Variants in ANKZF1 observed in about 807,000 individuals in gnomAD.
The protein encoded by ANKZF1 is ankyrin repeat and zinc finger peptidyl tRNA hydrolase 1, also known as tRNA endonuclease ANKZF1.
A neutral mutation model predicts 86.0 loss-of-function variants in ANKZF1; 84 were observed. The observed-to-expected ratio is 0.98, with a 90% CI of 0.82 to 1.17. ANKZF1 has a LOEUF of 1.17. Ranked by LOEUF, ANKZF1 falls within the 50% of genes most tolerant of loss-of-function variation. The pLI is 0.00. For synonymous variants in ANKZF1, 331 were observed against 354.2 expected (o/e 0.93, Z 0.74); for missense variants, 893 against 918.4 (o/e 0.97, Z 0.36).
intron 7 of ANKZF1, 106 bp from the exon 8 acceptor site, chr2:219,233,609 T>C: frequency 2.1e-6 from 3 of 1,415,970 alleles, no homozygotes; most frequent in Non-Finnish European, 1.9e-6. Flanking sequence ...TTCTCCGTGT[T>C]ATCCTCTACT....
In ANKZF1 at chr2:219,235,596, A is replaced by G; in HGVS notation, c.1803+11A>G. On this transcript the variant is annotated intron_variant, in intron 11 of 13. Coordinates refer to ENST00000323348, the MANE Select transcript of ANKZF1 (RefSeq NM_018089.3). ...TACAACAAGGCTCAGGTCATCTGGAATAGGAAGGACAAGCAGAGTGGGAAG... is the reference window on the plus strand; with the variant it reads ...TACAACAAGGCTCAGGTCATCTGGAGTAGGAAGGACAAGCAGAGTGGGAAG... 1.2e-6 allele frequency: 2 copies of G among 1,613,866 alleles called. No individual in the cohort carries two copies. The highest frequency in any genetic ancestry group is 1.7e-6 in the Non-Finnish European group (2 of 1,179,816).
rs1951100767 is a variant in ANKZF1, at chr2:219,233,371, G to A, written c.757G>A (p.Gly253Ser). Residue 253 changes from glycine to serine, a missense_variant, in exon 7 of 14, where the codon GGT becomes AGT. Gly to Ser is a moderately conservative substitution (Grantham distance 56). Coordinates refer to ENST00000323348, the MANE Select transcript of ANKZF1 (RefSeq NM_018089.3). ...AGCCCAGGGGCTTCGGGATGCCCGA[G>A]GTGGGCCATCACACTCTGCTGGAGC... ...GTAQGLRDARGGPSHSAGANL... is the reference protein window; with the variant it reads ...GTAQGLRDARSGPSHSAGANL... 1.2e-6 allele frequency: 2 copies of A among 1,614,250 alleles called. No individual in the cohort carries two copies. Among genetic ancestry groups the A allele is most frequent in the Non-Finnish European group, 1.7e-6 (2 of 1,180,052 alleles).
In ANKZF1 at chr2:219,236,509, GGTT is replaced by G; in HGVS notation, c.*65_*67del. The G allele has an allele frequency of 2.0e-6, 3 of 1,512,118 alleles. No individual in the cohort carries two copies. The highest frequency in any genetic ancestry group is 2.6e-6 in the Non-Finnish European group (3 of 1,133,198). The allele number at this position is 1,512,118 out of a possible 1,614,324, so 93.7% of individuals were successfully genotyped here. A position where few individuals can be genotyped will look rare whatever the true frequency, so the allele number is the denominator to read the frequency against. On this transcript the variant is annotated 3_prime_UTR_variant, in exon 14 of 14. Transcript: ENST00000323348. ...AGAGGGCACATTCACAGCAGCCCTA[GGTT>G]TTTTCTTCCCCGTGAAACCAGAGAT... is the stretch of plus-strand genomic sequence containing the variant.
rs1421006300 is a variant in ANKZF1, at chr2:219,230,225, C to T, written c.-30-3C>T. The T allele has an allele frequency of 1.2e-6, 2 of 1,605,300 alleles. No individual in the cohort carries two copies. The highest frequency in any genetic ancestry group is 2.7e-5 in the African/African-American group (2 of 74,698). On this transcript the variant is annotated splice_region_variant and splice_polypyrimidine_tract_variant and intron_variant, in intron 1 of 13. Coordinates refer to ENST00000323348, the MANE Select transcript of ANKZF1 (RefSeq NM_018089.3). ...CCTGTTTCTTACACGCTTTCTACTC[C>T]AGGAGCTGCTGCTAAATAATTTCTG...
At chr2:219,230,429 A>C (rs753175518) in intron 2 of ANKZF1, 24 bp downstream of exon 2, 2 of 1,590,518 alleles carry the variant, frequency 1.3e-6, no homozygotes, top group Non-Finnish European at 1.7e-6. Context: ...TTTCGTGTGA[A>C]ACGTGACAGG....
At position 219,232,295 on chromosome 2, in the gene ANKZF1, C is replaced by T. The variant is rs1331664152; in HGVS notation, c.297C>T (p.Asn99=). The T allele has an allele frequency of 1.2e-6, 2 of 1,614,156 alleles. No individual in the cohort carries two copies. Among genetic ancestry groups the T allele is most frequent in the Non-Finnish European group, 1.7e-6 (2 of 1,180,018 alleles). The change falls in exon 4 of 14, where the codon AAC becomes AAT. Residue 99 remains asparagine, a synonymous_variant. Coordinates refer to ENST00000323348, the MANE Select transcript of ANKZF1 (RefSeq NM_018089.3). The part of the protein sequence containing the change: ...EHYKLDWHRF[N]LKQRLKDKPL... ...ATAAGCTTGACTGGCATCGGTTTAA[C>T]CTAAAGCAACGTCTCAAGGACAAGC...
At chr2:219,234,005 C>A in intron 8 of ANKZF1, 62 bp downstream of exon 8, 1 of 1,528,060 alleles carries the variant, frequency 6.5e-7, no homozygotes, top group East Asian at 2.3e-5. Context: ...CCTAAGCCTC[C>A]ATTCTCATTG....
At chr2:219,232,814 T>C in intron 5 of ANKZF1, 131 bp downstream of exon 5, 11 of 1,053,304 alleles carry the variant, frequency 1.0e-5, no homozygotes, top group Admixed American at 2.7e-5. Flanking sequence ...CTTGACAACA[T>C]AGTCTTGAAT....
chr2:219,230,275 T>A lies in ANKZF1; in HGVS notation c.18T>A (p.Asp6Glu). Reference protein sequence around the residue: MSPAPDAAPAPASISL... With the variant: MSPAPEAAPAPASISL... The stretch of plus-strand genomic sequence containing the variant: ...GCTCAGCCATGTCGCCGGCTCCAGA[T>A]GCAGCCCCGGCTCCTGCGTCGATCT... Residue 6 changes from aspartate to glutamate, a missense_variant, in exon 2 of 14, where the codon GAT becomes GAA. Coordinates refer to ENST00000323348, the MANE Select transcript of ANKZF1 (RefSeq NM_018089.3). 1.2e-6 allele frequency: 2 copies of A among 1,613,634 alleles called. No individual in the cohort carries two copies. Among genetic ancestry groups the A allele is most frequent in the Non-Finnish European group, 1.7e-6 (2 of 1,179,646 alleles).
intron 13 of ANKZF1, 57 bp from the exon 14 acceptor site, chr2:219,236,265 C>G (rs1317234674): frequency 6.2e-7 from 1 of 1,611,624 alleles, no homozygotes; most frequent in East Asian, 2.2e-5. Context: ...ACGGGGAGAG[C>G]GTGGATTGGA....
At chr2:219,232,998 A>G (rs1195777109) in intron 5 of ANKZF1, 81 bp from the exon 6 acceptor site, 4 of 1,279,112 alleles carry the variant, frequency 3.1e-6, no homozygotes, top group Non-Finnish European at 4.5e-6. Flanking sequence ...TAAATGAGAT[A>G]ATGTTTGTGA....
chr2:219,232,435 G>A (rs1951070620), intron 4 of ANKZF1, 55 bp from the exon 5 acceptor site: 1 of 1,610,930 alleles, frequency 6.2e-7, no homozygotes, highest in African/African-American at 1.3e-5. Context: ...TAGAGTTTGA[G>A]GAAAGAACAA....
intron 7 of ANKZF1, 136 bp downstream of exon 7, chr2:219,233,569 G>A: frequency 7.2e-7 from 1 of 1,398,500 alleles, no homozygotes. Context: ...GTAGATGAGG[G>A]ATTCCCCAGG....
At chr2:219,231,894 C>T in intron 2 of ANKZF1, 34 bp from the exon 3 acceptor site, 1 of 1,572,924 alleles carries the variant, frequency 6.4e-7, no homozygotes, top group Non-Finnish European at 8.7e-7. Flanking sequence ...ATTTGGGCTC[C>T]CTTTCTATGT....
At chr2:219,232,757 G>A (rs901532500) in intron 5 of ANKZF1, 74 bp downstream of exon 5, 4 of 1,462,926 alleles carry the variant, frequency 2.7e-6, no homozygotes, top group Non-Finnish European at 3.7e-6. Flanking sequence ...TTAGCCTAGT[G>A]CATTTCTCCC....
intron 2 of ANKZF1, 184 bp downstream of exon 2, chr2:219,230,589 T>C: frequency 1.4e-6 from 1 of 722,384 alleles, no homozygotes; most frequent in Non-Finnish European, 2.1e-6. Context: ...ACAAGTCTTT[T>C]TGCCATTGCA....
At chr2:219,232,948 CTTGT>C (rs1348877179) in intron 5 of ANKZF1, 127 bp from the exon 6 acceptor site, 3 of 977,146 alleles carry the variant, frequency 3.1e-6, no homozygotes, top group Non-Finnish European at 4.7e-6. Context: ...CTCAAATTTC[CTTGT>C]TTGTCAAATG....
Position 219,233,441 on chromosome 2 carries a change from A to C in ANKZF1, c.819+8A>C. ...GAAGCCACACTATATAAGGTGAGTTAAGCCTTTTAGATCTGGTGGTACTGA... is the reference window on the plus strand; with the variant it reads ...GAAGCCACACTATATAAGGTGAGTTCAGCCTTTTAGATCTGGTGGTACTGA... On this transcript the variant is annotated splice_region_variant and intron_variant, in intron 7 of 13. Coordinates refer to ENST00000323348, the MANE Select transcript of ANKZF1 (RefSeq NM_018089.3). 1 of 1,602,818 alleles carries C rather than the reference A, an allele frequency of 6.2e-7. No homozygotes were observed. Among genetic ancestry groups the C allele is most frequent in the African/African-American group, 1.3e-5 (1 of 74,760 alleles).
In ANKZF1 at chr2:219,233,392, G is replaced by A. The variant is rs764385899; in HGVS notation, c.778G>A (p.Gly260Arg). Residue 260 changes from glycine (G) to arginine (R), a missense_variant, in exon 7 of 14, where the codon GGA (glycine) becomes AGA (arginine). Coordinates refer to ENST00000323348, the MANE Select transcript of ANKZF1 (RefSeq NM_018089.3). Reference sequence around the variant, plus strand: ...CCGAGGTGGGCCATCACACTCTGCTGGAGCCAACCTGAGGCGCTACAATGA... The same window carrying A: ...CCGAGGTGGGCCATCACACTCTGCTAGAGCCAACCTGAGGCGCTACAATGA... ...DARGGPSHSA[G>R]ANLRRYNEAT... 6 of 1,614,160 alleles carry A rather than the reference G, an allele frequency of 3.7e-6. No individual in the cohort carries two copies. The South Asian group carries it at 4.4e-5, about 12-fold the overall frequency.
Sources: allele counts gnomAD v4.1 joint callset, GRCh38; gene constraint gnomAD v4.1.1; transcripts MANE v1.5; gene names NCBI Gene and HGNC (gene_info 2026-07-23, HGNC 2026-07-21).